Variants in TMEM131 observed in about 807,000 individuals in gnomAD.
TMEM131 encodes the protein transmembrane protein 131.
Under a neutral mutation model 211.6 loss-of-function variants are expected in TMEM131, and 66 were observed. The ratio of observed to expected loss-of-function variants is 0.31; its 90% CI spans 0.26 to 0.38. The LOEUF (loss-of-function observed/expected upper bound fraction) is 0.38. Among genes scored for constraint, TMEM131 ranks in the 10% least tolerant of loss-of-function variants. TMEM131 has a pLI of 1.00. For synonymous variants in TMEM131, 844 were observed against 841.3 expected, an observed-to-expected ratio of 1.00 and a Z score of -0.06; for missense variants, 2,036 against 2,299.3, an observed-to-expected ratio of 0.89 and a Z score of 2.34.
chr2:97,864,645 C>T (rs1225130999), intron 4 of TMEM131, among the ~76,000 whole-genome samples: 1 of 152,066 alleles, frequency 6.6e-6, no homozygotes, highest in Non-Finnish European at 1.5e-5. Context: ...AACAATAATG[C>T]TGAAAAAATT....
intron 4 of TMEM131, among the ~76,000 whole-genome samples, chr2:97,873,492 A>G (rs1020269618): frequency 1.3e-5 from 2 of 152,232 alleles, no homozygotes; most frequent in Admixed American, 6.5e-5. Context: ...CACCTCATAC[A>G]GGAGAGCTCT....
chr2:97,955,670 A>G (rs1459679078), intron 1 of TMEM131, among the ~76,000 whole-genome samples: 1 of 152,184 alleles, frequency 6.6e-6, no homozygotes, highest in Non-Finnish European at 1.5e-5. Context: ...ATGGAAACCA[A>G]AAAGTTAAAA....
chr2:97,814,031 T>TTGTTGTTATCA lies in TMEM131; in HGVS notation c.1556_1557insTGATAACAACA (p.Leu519PhefsTer24). 2 of 1,601,004 alleles carry TTGTTGTTATCA rather than the reference T, an allele frequency of 1.2e-6. No homozygotes were observed. Among genetic ancestry groups the TTGTTGTTATCA allele is most frequent in the Non-Finnish European group, 1.7e-6 (2 of 1,172,762 alleles). On this transcript the variant is annotated frameshift_variant, in exon 15 of 41. Transcript: ENST00000186436. LOFTEE classifies it high-confidence loss of function. ...GAAATTTAGAAGCATTGGTAATAAG[T>TTGTTGTTATCA]AAAATGTTGTTATCAATGTGCATGG...
chr2:97,816,255 C>T (rs190838118), intron 12 of TMEM131, among the ~76,000 whole-genome samples: 207 of 152,204 alleles, frequency 1.4e-3, no homozygotes, highest in Non-Finnish European at 2.1e-3. Context: ...GCAGGAGAAT[C>T]GCTTGAGCCT....
At chr2:97,907,900 G>A (rs570767627) in intron 3 of TMEM131, among the ~76,000 whole-genome samples, 7 of 152,198 alleles carry the variant, frequency 4.6e-5, no homozygotes, top group South Asian at 2.1e-4. Flanking sequence ...ATACCATTAC[G>A]CTGAATCTTC....
chr2:97,941,196 C>T (rs1264477941), intron 1 of TMEM131, among the ~76,000 whole-genome samples: 1 of 152,138 alleles, frequency 6.6e-6, no homozygotes, highest in South Asian at 2.1e-4. Context: ...TGATCTTTGA[C>T]AAACCTGACA....
At position 97,943,007 on chromosome 2, in the gene TMEM131, G is replaced by GAAAGA. The variant is rs779189031; in HGVS notation, c.188-15525_188-15521dup. ...AAGAAAAGAAAGAAAAGAAAGAAAA[G>GAAAGA]AAAGAAAAGAAAAGAAAAGAAAAGA... On this transcript the variant is annotated intron_variant, in intron 1 of 40. Transcript: ENST00000186436. Among the ~76,000 whole-genome samples, 361 of 63,058 alleles carry GAAAGA rather than the reference G, an allele frequency of 5.7e-3. 4 individuals are homozygous for GAAAGA. The highest frequency in any genetic ancestry group is 0.047 in the Middle Eastern group (5 of 106). 41.4% of individuals were successfully genotyped at this position (63,058 alleles called of 152,430 possible). A position where few individuals can be genotyped will look rare whatever the true frequency, so the allele number is the denominator to read the frequency against.
chr2:97,828,794 T>C (rs958908274), intron 11 of TMEM131, among the ~76,000 whole-genome samples: 6 of 152,220 alleles, frequency 3.9e-5, no homozygotes, highest in African/African-American at 7.2e-5. Context: ...ACTCTTTCAA[T>C]GCCTTTCCAA....
intron 3 of TMEM131, among the ~76,000 whole-genome samples, chr2:97,908,362 C>T (rs2309315): frequency 0.011 from 1,730 of 152,198 alleles, 34 homozygotes; most frequent in African/African-American, 0.039. Flanking sequence ...GGGATAGCCA[C>T]AAGAGAAGCC....
At chr2:97,782,204 CAA>C (rs953321394) in intron 31 of TMEM131, among the ~76,000 whole-genome samples, 2 of 152,210 alleles carry the variant, frequency 1.3e-5, no homozygotes, top group African/African-American at 4.8e-5. Context: ...GTGGTGTCAG[CAA>C]AGACAACATG....
chr2:97,837,125 A>G lies in TMEM131; in HGVS notation c.756T>C (p.Leu252=), dbSNP rs1251424361. ...GTTGACCCGTTGGGAGTTCTAGGTG[A>G]AGGTCTCCTCCACTAGAGTACATTT... ...VVEMYSSGGD[L]HLELPTGQQG... The change falls in exon 8 of 41, where the codon CTT becomes CTC. Residue 252 remains leucine (L), a synonymous_variant. Transcript: ENST00000186436. The G allele has an allele frequency of 1.2e-6, 2 of 1,610,226 alleles. No homozygotes were observed.
chr2:97,949,964 C>T (rs555824925), intron 1 of TMEM131, among the ~76,000 whole-genome samples: 20 of 152,166 alleles, frequency 1.3e-4, no homozygotes, highest in African/African-American at 4.6e-4. Flanking sequence ...TCCAAAATTG[C>T]AACCATTTTC....
Position 97,978,616 on chromosome 2 carries a change from C to T in TMEM131, c.187+16860G>A, listed in dbSNP as rs892706915. On this transcript the variant is annotated intron_variant, in intron 1 of 40. Coordinates refer to ENST00000186436, the MANE Select transcript of TMEM131 (RefSeq NM_015348.2). ...CTCAGGAGGTCCTTGAACTCCTGGG[C>T]TCCATATTCCTCCCGCCTAGGCCTC... is the stretch of plus-strand genomic sequence containing the variant. 6.6e-5 allele frequency among the ~76,000 whole-genome samples: 10 copies of T among 152,258 alleles called. No homozygotes were observed. The East Asian group carries it at 1.7e-3, about 26-fold the overall frequency.
rs1313798382 is a variant in TMEM131, at chr2:97,952,679, C to T, written c.188-25192G>A. Among the ~76,000 whole-genome samples, 4 of 152,156 alleles carry T rather than the reference C, an allele frequency of 2.6e-5. No individual in the cohort carries two copies. The East Asian group carries it at 5.8e-4, about 22-fold the overall frequency. ...GCCACTTGAGCCCAGGAGCTCGAGA[C>T]CAGCCTGGGCAACACAGTGAGACTA... On this transcript the variant is annotated intron_variant, in intron 1 of 40. Transcript: ENST00000186436.
chr2:97,798,607 G>A (rs1227348725), intron 25 of TMEM131, among the ~76,000 whole-genome samples: 3 of 152,228 alleles, frequency 2.0e-5, no homozygotes, highest in Non-Finnish European at 2.9e-5. Flanking sequence ...AACCAAATCT[G>A]CGATTTTTCA....
intron 12 of TMEM131, 94 bp downstream of exon 12, chr2:97,818,519 C>CAGT (rs1681954441): frequency 4.0e-6 from 2 of 495,570 alleles, no homozygotes; most frequent in Non-Finnish European, 6.9e-6. Flanking sequence ...GATGGTAAAA[C>CAGT]AGTTTGGATT....
At chr2:97,757,470 G>T in intron 40 of TMEM131, 87 bp from the exon 41 acceptor site, 1 of 1,384,750 alleles carries the variant, frequency 7.2e-7, no homozygotes, top group Non-Finnish European at 9.8e-7. Context: ...AAAAGATGAG[G>T]CTGGGGCACG....
rs577012009 is a variant in TMEM131, at chr2:97,943,098, A to C, written c.188-15611T>G. Reference sequence around the variant, plus strand: ...GAAAGAAAGAAAGAAAGAAAGAAAGAAAGAGCTGGGTGTGGTGGTGCATGC... The same window carrying C: ...GAAAGAAAGAAAGAAAGAAAGAAAGCAAGAGCTGGGTGTGGTGGTGCATGC... On this transcript the variant is annotated intron_variant, in intron 1 of 40. Transcript: ENST00000186436. Among the ~76,000 whole-genome samples the C allele has an allele frequency of 2.1e-3, 308 of 149,924 alleles. 3 individuals carry two copies. The highest frequency in any genetic ancestry group is 7.0e-3 in the African/African-American group (284 of 40,502).
chr2:97,995,706 C>T lies in TMEM131; in HGVS notation c.-44G>A, dbSNP rs1423407126. The T allele has an allele frequency of 1.7e-6, 2 of 1,175,796 alleles. No individual in the cohort carries two copies. The highest frequency in any genetic ancestry group is 2.1e-6 in the Non-Finnish European group (2 of 950,224). The allele number at this position is 1,175,796 out of a possible 1,614,324, so 72.8% of individuals were successfully genotyped here. A position where few individuals can be genotyped will look rare whatever the true frequency, so the allele number is the denominator to read the frequency against. On this transcript the variant is annotated 5_prime_UTR_variant, in exon 1 of 41. Transcript: ENST00000186436. Reference sequence around the variant, plus strand: ...GCCGCGCTCGAGGTCCGGCGCGGCCCTTCTCGGCGAGGCGGCGGCGGCGCG... The same window carrying T: ...GCCGCGCTCGAGGTCCGGCGCGGCCTTTCTCGGCGAGGCGGCGGCGGCGCG...
Sources: allele counts gnomAD v4.1 joint callset (sites outside exome capture counted in the v4.1 genomes callset), GRCh38; gene constraint gnomAD v4.1.1; transcripts MANE v1.5; gene names NCBI Gene and HGNC (gene_info 2026-07-23, HGNC 2026-07-21).